Variants in CEMIP observed in about 807,000 individuals in gnomAD.
CEMIP encodes cell migration-inducing and hyaluronan-binding protein.
A neutral mutation model predicts 156.9 loss-of-function variants in CEMIP; 105 were observed. That is an observed-to-expected ratio of 0.67 (90% CI 0.57 to 0.79). CEMIP has a LOEUF of 0.79. Ranked by LOEUF, CEMIP falls within the 30% of genes least tolerant of loss-of-function variation. CEMIP has a pLI of 0.00. For synonymous variants in CEMIP, 676 were observed against 668.4 expected, an observed-to-expected ratio of 1.01 and a Z score of -0.17; for missense variants, 1,457 against 1,769.4, an observed-to-expected ratio of 0.82 and a Z score of 3.17.
chr15:80,900,173 C>T (rs776838581), intron 12 of CEMIP, among the ~76,000 whole-genome samples: 2 of 152,162 alleles, frequency 1.3e-5, no homozygotes, highest in Non-Finnish European at 2.9e-5. Flanking sequence ...CCGAGGGTGG[C>T]CCTGAGAATG....
intron 13 of CEMIP, among the ~76,000 whole-genome samples, chr15:80,908,325 G>C (rs957970763): frequency 2.2e-4 from 33 of 152,178 alleles, no homozygotes; most frequent in Non-Finnish European, 1.2e-4. Context: ...CAGCTCTCCA[G>C]GGCCGCTACT....
intron 1 of CEMIP, among the ~76,000 whole-genome samples, chr15:80,816,526 C>T (rs1567057331): frequency 6.6e-6 from 1 of 152,206 alleles, no homozygotes; most frequent in South Asian, 2.1e-4. Flanking sequence ...GCCACACCTC[C>T]TGGCCCAGGT....
intron 1 of CEMIP, among the ~76,000 whole-genome samples, chr15:80,784,917 G>T (rs1481254526): frequency 6.6e-6 from 1 of 152,150 alleles, no homozygotes; most frequent in East Asian, 1.9e-4. Context: ...ATTTAAGTCA[G>T]TTCCCGTTGT....
chr15:80,885,721 C>T (rs916652484), intron 7 of CEMIP, among the ~76,000 whole-genome samples: 6 of 152,168 alleles, frequency 3.9e-5, no homozygotes, highest in African/African-American at 1.4e-4. Context: ...ATACGAGGAG[C>T]TATCTCAAAG....
chr15:80,843,394 C>T (rs755824646), intron 1 of CEMIP, among the ~76,000 whole-genome samples: 1 of 152,210 alleles, frequency 6.6e-6, no homozygotes. Context: ...GTCAAGAAGA[C>T]CTGCCTTCAC....
At chr15:80,794,616 A>C (rs907114642) in intron 1 of CEMIP, among the ~76,000 whole-genome samples, 1 of 152,242 alleles carries the variant, frequency 6.6e-6, no homozygotes, top group Non-Finnish European at 1.5e-5. Context: ...GGTAGTCACT[A>C]TAAAAAGTAA....
intron 13 of CEMIP, among the ~76,000 whole-genome samples, chr15:80,908,594 T>C (rs1391143567): frequency 1.3e-5 from 2 of 152,128 alleles, no homozygotes; most frequent in African/African-American, 2.4e-5. Flanking sequence ...CACCAGAACA[T>C]GGGCTCATGA....
intron 16 of CEMIP, 129 bp from the exon 17 acceptor site, chr15:80,921,880 A>T: frequency 8.6e-7 from 1 of 1,164,930 alleles, no homozygotes; most frequent in Non-Finnish European, 1.3e-6. Flanking sequence ...GGGGGTGGGC[A>T]CCGAGGGCTC....
At position 80,866,453 on chromosome 15, in the gene CEMIP, G is replaced by A. The variant is rs191128722; in HGVS notation, c.-175-7085G>A. Among the ~76,000 whole-genome samples the A allele has an allele frequency of 5.0e-4, 76 of 152,112 alleles. No homozygotes were observed. The East Asian group carries it at 9.7e-3, about 19-fold the overall frequency. On this transcript the variant is annotated intron_variant, in intron 1 of 29. Transcript: ENST00000394685. ...GAAAATACAAAAAAATTAGCCAGGCGTGGTGGTGGGCGCCTGTAATCCCAG... is the reference window on the plus strand; with the variant it reads ...GAAAATACAAAAAAATTAGCCAGGCATGGTGGTGGGCGCCTGTAATCCCAG...
intron 27 of CEMIP, among the ~76,000 whole-genome samples, 196 bp downstream of exon 27, chr15:80,942,533 C>A (rs1901383471): frequency 6.6e-6 from 1 of 152,156 alleles, no homozygotes; most frequent in Non-Finnish European, 1.5e-5. Flanking sequence ...CCTGAGCATT[C>A]CTCAGCTTGC....
chr15:80,815,424 T>C (rs1044083579), intron 1 of CEMIP, among the ~76,000 whole-genome samples: 1 of 152,248 alleles, frequency 6.6e-6, no homozygotes, highest in African/African-American at 2.4e-5. Flanking sequence ...AAGAATACTT[T>C]CCAGATTGTT....
chr15:80,800,236 G>A (rs1397006380), intron 1 of CEMIP, among the ~76,000 whole-genome samples: 1 of 152,044 alleles, frequency 6.6e-6, no homozygotes, highest in Non-Finnish European at 1.5e-5. Context: ...CATCCTCTGG[G>A]TTTCCAGAGC....
intron 14 of CEMIP, among the ~76,000 whole-genome samples, chr15:80,915,813 G>C (rs1157437177): frequency 6.8e-6 from 1 of 147,704 alleles, no homozygotes; most frequent in East Asian, 2.0e-4. Flanking sequence ...CTTCCACCCA[G>C]TTTTAATCTG....
chr15:80,781,087 T>C (rs142203836), intron 1 of CEMIP, among the ~76,000 whole-genome samples: 57 of 152,256 alleles, frequency 3.7e-4, no homozygotes, highest in African/African-American at 1.4e-3. Context: ...GTATGGCCCC[T>C]GAGAATCCGA....
intron 17 of CEMIP, 143 bp downstream of exon 17, chr15:80,922,280 C>A (rs138110741): frequency 9.3e-7 from 1 of 1,072,792 alleles, no homozygotes; most frequent in African/African-American, 1.6e-5. Flanking sequence ...AATGGAGCAG[C>A]CTTGCGAGGC....
chr15:80,946,997 A>G lies in CEMIP; in HGVS notation c.3890A>G (p.Tyr1297Cys). The G allele has an allele frequency of 6.2e-7, 1 of 1,613,970 alleles. No individual in the cohort carries two copies. Among genetic ancestry groups the G allele is most frequent in the Non-Finnish European group, 8.5e-7 (1 of 1,179,838 alleles). The change falls in exon 29 of 30, where the codon TAC becomes TGC. Residue 1297 changes from tyrosine to cysteine, a missense_variant. Coordinates refer to ENST00000394685, the MANE Select transcript of CEMIP (RefSeq NM_001293298.2). ...SIVLMASKGR[Y>C]VSRGPWTRVL... Reference sequence around the variant, plus strand: ...GTGCTTATGGCATCAAAGGGAAGATACGTCTCCAGAGGCCCATGGACCAGA... The same window carrying G: ...GTGCTTATGGCATCAAAGGGAAGATGCGTCTCCAGAGGCCCATGGACCAGA...
intron 1 of CEMIP, among the ~76,000 whole-genome samples, chr15:80,786,040 T>G (rs923017209): frequency 1.3e-5 from 2 of 152,154 alleles, no homozygotes; most frequent in African/African-American, 4.8e-5. Context: ...AAATCCAATT[T>G]AAAAACTAGA....
intron 1 of CEMIP, among the ~76,000 whole-genome samples, chr15:80,809,371 G>T (rs1896601050): frequency 6.6e-6 from 1 of 152,170 alleles, no homozygotes; most frequent in Non-Finnish European, 1.5e-5. Context: ...TGTTCATATT[G>T]TGAAGTCAGC....
intron 28 of CEMIP, among the ~76,000 whole-genome samples, chr15:80,945,004 G>C (rs1011303850): frequency 2.0e-5 from 3 of 152,160 alleles, no homozygotes; most frequent in African/African-American, 7.2e-5. Context: ...AGCAGGGAAT[G>C]AGGCAAGGTA....
Sources: gnomAD v4.1 joint callset for allele counts (sites outside exome capture counted in the v4.1 genomes callset) on GRCh38, gnomAD v4.1.1 for gene constraint, MANE v1.5 for transcripts, NCBI Gene and HGNC (gene_info 2026-07-23, HGNC 2026-07-21) for gene names.